PDE1A: variants seen among roughly 807,000 people sequenced by gnomAD.
PDE1A encodes phosphodiesterase 1A, also known as dual specificity calcium/calmodulin-dependent 3',5'-cyclic nucleotide phosphodiesterase 1A.
Under a neutral mutation model 61.7 loss-of-function variants are expected in PDE1A, and 35 were observed. The observed-to-expected ratio is 0.57, with a 90% CI of 0.43 to 0.75. The LOEUF (loss-of-function observed/expected upper bound fraction) is 0.75. Among genes scored for constraint, PDE1A ranks in the 30% least tolerant of loss-of-function variants. PDE1A has a pLI of 0.00. For synonymous variants in PDE1A, 232 were observed against 213.2 expected, an observed-to-expected ratio of 1.09 and a Z score of -0.77; for missense variants, 597 against 630.6, an observed-to-expected ratio of 0.95 and a Z score of 0.57.
the PDE1A span, among the ~76,000 whole-genome samples, chr2:182,613,514 G>T: frequency 6.7e-6 from 1 of 150,132 alleles, no homozygotes; most frequent in African/African-American, 2.5e-5. Context: ...AGTTGGCCAA[G>T]ATTGCTCCAC....
At chr2:182,273,044 G>C (rs1385485345) in intron 1 of PDE1A, among the ~76,000 whole-genome samples, 1 of 152,040 alleles carries the variant, frequency 6.6e-6, no homozygotes, top group Admixed American at 6.6e-5. Context: ...TGTCCATAAA[G>C]TCTGAAATTG....
At chr2:182,367,528 A>C (rs1292114690) in intron 1 of PDE1A, among the ~76,000 whole-genome samples, 5 of 152,082 alleles carry the variant, frequency 3.3e-5, no homozygotes, top group Admixed American at 6.6e-5. Flanking sequence ...TCTCTTAATA[A>C]AATGTCTAGT....
chr2:182,247,202 GA>G lies in PDE1A; in HGVS notation c.168-6911del, dbSNP rs11408095. 7.9e-3 allele frequency among the ~76,000 whole-genome samples: 1,160 copies of G among 146,810 alleles called. 11 individuals carry two copies. The highest frequency in any genetic ancestry group is 0.026 in the African/African-American group (1,067 of 40,574). ...TGGGGAAACATATATATTTGGTGTA[GA>G]AAAAAAAAACTAAACATTTTTGATA... On this transcript the variant is annotated intron_variant, in intron 2 of 13. Transcript: ENST00000351439.
chr2:182,201,513 T>C (rs1244701096), exon 10 of PDE1A: 3 of 1,614,016 alleles, frequency 1.9e-6, no homozygotes, highest in African/African-American at 1.3e-5. Flanking sequence ...GGGTGGCTGA[T>C]GTCTGCTGCG....
chr2:182,578,531 C>T, the PDE1A span, among the ~76,000 whole-genome samples: 1 of 152,300 alleles, frequency 6.6e-6, no homozygotes, highest in East Asian at 1.9e-4. Flanking sequence ...CTTTGACCAA[C>T]AGATTCATTT....
At chr2:182,695,901 TTAA>T in the PDE1A span, among the ~76,000 whole-genome samples, 3 of 152,110 alleles carry the variant, frequency 2.0e-5, no homozygotes, top group African/African-American at 7.2e-5. Context: ...GAAATCCAAA[TTAA>T]AGCAAGATAC....
the PDE1A span, among the ~76,000 whole-genome samples, chr2:182,658,464 C>T: frequency 5.9e-5 from 9 of 152,310 alleles, no homozygotes; most frequent in South Asian, 4.1e-4. Flanking sequence ...ATTATATGTG[C>T]GAAGATGCTG....
intron 11 of PDE1A, among the ~76,000 whole-genome samples, chr2:182,187,734 G>GTTGTTTTTTT (rs1559156103): frequency 9.6e-6 from 1 of 104,592 alleles, no homozygotes; most frequent in Admixed American, 9.8e-5. Flanking sequence ...TTCTTTTTTT[G>GTTGTTTTTTT]TTCTTTTTTT....
intron 6 of PDE1A, among the ~76,000 whole-genome samples, chr2:182,227,718 G>C (rs942314460): frequency 6.6e-6 from 1 of 152,044 alleles, no homozygotes; most frequent in Admixed American, 6.6e-5. Flanking sequence ...TTAGAAAGTG[G>C]TGGGGCATGG....
the PDE1A span, among the ~76,000 whole-genome samples, chr2:182,620,401 T>C: frequency 6.6e-6 from 1 of 152,198 alleles, no homozygotes; most frequent in East Asian, 1.9e-4. Context: ...ATCTATAAAT[T>C]TGTCCAGATA....
the PDE1A span, among the ~76,000 whole-genome samples, chr2:182,597,723 C>G: frequency 6.6e-6 from 1 of 152,322 alleles, no homozygotes; most frequent in South Asian, 2.1e-4. Context: ...GAATTATAAA[C>G]TTTTCAGGCA....
intron 10 of PDE1A, 58 bp from the exon 11 acceptor site, chr2:182,189,118 C>A: frequency 9.2e-7 from 1 of 1,081,566 alleles, no homozygotes; most frequent in Non-Finnish European, 1.4e-6. Flanking sequence ...AAATAATGAG[C>A]AACCTAAGAT....
the PDE1A span, among the ~76,000 whole-genome samples, chr2:182,708,415 C>T: frequency 6.6e-6 from 1 of 152,048 alleles, no homozygotes; most frequent in Non-Finnish European, 1.5e-5. Flanking sequence ...ACAAATATTT[C>T]AGTTAACTAA....
At chr2:182,225,739 A>T (rs1689091097) in intron 6 of PDE1A, among the ~76,000 whole-genome samples, 1 of 150,600 alleles carries the variant, frequency 6.6e-6, no homozygotes. Context: ...AATAAATGGC[A>T]TTTTGCTAGG....
At chr2:182,517,992 CT>C (rs1236467157) in intron 2 of PDE1A, among the ~76,000 whole-genome samples, 1 of 152,082 alleles carries the variant, frequency 6.6e-6, no homozygotes, top group Admixed American at 6.6e-5. Flanking sequence ...AGCAATGTTT[CT>C]TTTGGGTGAC....
At chr2:182,371,889 A>G (rs111576980) in intron 1 of PDE1A, among the ~76,000 whole-genome samples, 1 of 152,082 alleles carries the variant, frequency 6.6e-6, no homozygotes, top group African/African-American at 2.4e-5. Context: ...GGCTCAAGGG[A>G]TCCTCCGACC....
Position 182,243,623 on chromosome 2 carries a change from T to G in PDE1A, c.168-3331A>C, listed in dbSNP as rs76495589. Among the ~76,000 whole-genome samples, 18 of 152,334 alleles carry G rather than the reference T, an allele frequency of 1.2e-4. No individual in the cohort carries two copies. In the East Asian group the frequency reaches 3.5e-3, roughly 29 times the overall value. On this transcript the variant is annotated intron_variant, in intron 2 of 13. Transcript: ENST00000351439. Reference sequence around the variant, plus strand: ...GCAATGGCAGGTCATTGAATTATTTTAAGCAGGATGTGATATGATTTATGT... The same window carrying G: ...GCAATGGCAGGTCATTGAATTATTTGAAGCAGGATGTGATATGATTTATGT...
chr2:182,490,654 T>C (rs6748063), intron 2 of PDE1A, among the ~76,000 whole-genome samples: 7,989 of 152,078 alleles, frequency 0.053, 244 homozygotes, highest in Middle Eastern at 0.099. Flanking sequence ...ATTACAGGCG[T>C]GAGCCACCAC....
chr2:182,483,387 C>T (rs1380214740), intron 2 of PDE1A, among the ~76,000 whole-genome samples: 1 of 151,872 alleles, frequency 6.6e-6, no homozygotes, highest in Non-Finnish European at 1.5e-5. Flanking sequence ...TTCAAATGCA[C>T]ACACAATATA....
Sources: gnomAD v4.1 joint callset for allele counts (sites outside exome capture counted in the v4.1 genomes callset) on GRCh38, gnomAD v4.1.1 for gene constraint, MANE v1.5 for transcripts, NCBI Gene and HGNC (gene_info 2026-07-23, HGNC 2026-07-21) for gene names.